Variants in FBXO15 observed in about 807,000 individuals in gnomAD.
FBXO15 encodes F-box protein 15.
FBXO15 carries 30 observed loss-of-function variants against 49.5 expected under a neutral mutation model. The observed-to-expected ratio is 0.61, with a 90% confidence interval of 0.45 to 0.82. The LOEUF is 0.82. Among genes scored for constraint, FBXO15 ranks in the 40% least tolerant of loss-of-function variants. FBXO15 has a pLI of 0.00. For synonymous variants in FBXO15, 250 were observed against 232.7 expected (o/e 1.07, Z -0.68); for missense variants, 591 against 631.5 (o/e 0.94, Z 0.69).
chr18:74,079,624 A>G (rs1912403176), intron 9 of FBXO15, among the ~76,000 whole-genome samples: 1 of 152,194 alleles, frequency 6.6e-6, no homozygotes, highest in Non-Finnish European at 1.5e-5. Flanking sequence ...AGAATAAAAA[A>G]CTGACCTACT....
intron 8 of FBXO15, among the ~76,000 whole-genome samples, chr18:74,103,338 A>C (rs757234685): frequency 1.3e-5 from 2 of 151,902 alleles, no homozygotes; most frequent in East Asian, 3.9e-4. Context: ...AAAAAGAAAA[A>C]AGAATGAAAA....
At chr18:74,090,591 T>C (rs572216191) in intron 8 of FBXO15, among the ~76,000 whole-genome samples, 21 of 152,322 alleles carry the variant, frequency 1.4e-4, no homozygotes, top group Admixed American at 1.2e-3. Flanking sequence ...CGCAGAGATT[T>C]TGATATATTG....
intron 8 of FBXO15, among the ~76,000 whole-genome samples, chr18:74,119,867 G>A (rs1486667075): frequency 7.2e-5 from 11 of 152,112 alleles, no homozygotes; most frequent in Admixed American, 7.2e-4. Flanking sequence ...GGGAAGGAGA[G>A]CTCTGAGGAG....
intron 8 of FBXO15, among the ~76,000 whole-genome samples, chr18:74,095,903 T>C (rs1913250459): frequency 6.6e-6 from 1 of 152,102 alleles, no homozygotes; most frequent in Non-Finnish European, 1.5e-5. Flanking sequence ...ACCAGAAATA[T>C]TCCAGAACTC....
At chr18:74,123,585 T>TA in intron 7 of FBXO15, 75 bp from the exon 8 acceptor site, 2 of 1,492,510 alleles carry the variant, frequency 1.3e-6, no homozygotes, top group Admixed American at 4.6e-5. Context: ...AAATACTTTT[T>TA]AAAAAATTAC....
intron 7 of FBXO15, among the ~76,000 whole-genome samples, chr18:74,123,847 G>A (rs1220180531): frequency 1.3e-5 from 2 of 152,150 alleles, no homozygotes; most frequent in African/African-American, 4.8e-5. Context: ...GGACAAAAGT[G>A]CTCAGCAGGA....
At chr18:74,080,864 A>T (rs1912463270) in intron 9 of FBXO15, among the ~76,000 whole-genome samples, 1 of 152,234 alleles carries the variant, frequency 6.6e-6, no homozygotes, top group South Asian at 2.1e-4. Flanking sequence ...AATTATTTTT[A>T]AAAATTATGC....
intron 8 of FBXO15, among the ~76,000 whole-genome samples, chr18:74,088,251 G>C (rs1912837019): frequency 6.6e-6 from 1 of 152,014 alleles, no homozygotes; most frequent in African/African-American, 2.4e-5. Context: ...AATTATTTTT[G>C]GTGTCTTCAT....
In FBXO15 at chr18:74,140,296, T is replaced by A. The variant is rs1338790398; in HGVS notation, c.133A>T (p.Lys45Ter). 3 of 1,551,184 alleles carry A rather than the reference T, an allele frequency of 1.9e-6. No individual in the cohort carries two copies. Among genetic ancestry groups the A allele is most frequent in the Non-Finnish European group, 2.6e-6 (3 of 1,146,834 alleles). ...AFGCRKGPGV[K>*]LSAGSAALRC... ...AGGGCAGCAGAGCCTGCAGAAAGCT[T>A]GACCCCTGGCCCCTTTCTGAAAGTA... is the stretch of plus-strand genomic sequence containing the variant. The change falls in exon 2 of 10, where the codon AAG becomes TAG. Residue 45 changes from lysine to a stop codon, truncating the protein, a stop_gained. Coordinates refer to ENST00000419743, the MANE Select transcript of FBXO15 (RefSeq NM_001142958.2). LOFTEE classifies it high-confidence loss of function.
intron 5 of FBXO15, among the ~76,000 whole-genome samples, chr18:74,129,064 T>A (rs1978307479): frequency 6.6e-6 from 1 of 152,294 alleles, no homozygotes; most frequent in East Asian, 1.9e-4. Flanking sequence ...ATGATTAGTA[T>A]ACCATTTACT....
At chr18:74,135,031 T>C (rs1228682853) in intron 3 of FBXO15, among the ~76,000 whole-genome samples, 3 of 152,140 alleles carry the variant, frequency 2.0e-5, no homozygotes, top group Non-Finnish European at 4.4e-5. Context: ...GATGTTCTGT[T>C]GTAAGCCACG....
At chr18:74,110,635 A>T (rs1238962671) in intron 8 of FBXO15, among the ~76,000 whole-genome samples, 1 of 152,110 alleles carries the variant, frequency 6.6e-6, no homozygotes, top group Non-Finnish European at 1.5e-5. Context: ...TGGTAGAAAA[A>T]AAAAACAAGA....
chr18:74,121,378 C>T (rs915560427), intron 8 of FBXO15, among the ~76,000 whole-genome samples: 4 of 152,124 alleles, frequency 2.6e-5, no homozygotes, highest in Admixed American at 6.5e-5. Flanking sequence ...GAATTAAATA[C>T]TTCATAAATA....
chr18:74,123,524 C>T lies in FBXO15; in HGVS notation c.996-14G>A. ...AGTTCATAGGGGCTGAAAAGCAAAA[C>T]AAAAGAAACATACAAATTTGTCAAC... On this transcript the variant is annotated splice_polypyrimidine_tract_variant and intron_variant, in intron 7 of 9. Transcript: ENST00000419743. 1 of 1,580,190 alleles carries T rather than the reference C, an allele frequency of 6.3e-7. No homozygotes were observed. The highest frequency in any genetic ancestry group is 8.5e-7 in the Non-Finnish European group (1 of 1,170,368).
intron 6 of FBXO15, among the ~76,000 whole-genome samples, chr18:74,125,747 C>G (rs1486454593): frequency 6.6e-6 from 1 of 151,972 alleles, no homozygotes; most frequent in Non-Finnish European, 1.5e-5. Context: ...AGCAGAACAG[C>G]AGAACAACAG....
intron 1 of FBXO15, among the ~76,000 whole-genome samples, chr18:74,141,824 G>A (rs967096128): frequency 3.9e-5 from 6 of 152,172 alleles, no homozygotes; most frequent in East Asian, 1.9e-4. Context: ...TATGCAGCAC[G>A]CACTCAAATC....
At chr18:74,079,946 C>T (rs933416610) in intron 9 of FBXO15, among the ~76,000 whole-genome samples, 1 of 152,204 alleles carries the variant, frequency 6.6e-6, no homozygotes, top group African/African-American at 2.4e-5. Context: ...CCACCAGCAT[C>T]GTATTTGGGT....
At chr18:74,131,980 C>T (rs1339931666) in intron 3 of FBXO15, among the ~76,000 whole-genome samples, 4 of 152,224 alleles carry the variant, frequency 2.6e-5, no homozygotes, top group African/African-American at 9.6e-5. Flanking sequence ...TTGACTCAGA[C>T]ATTACATGGA....
Position 74,126,101 on chromosome 18 carries a change from T to A in FBXO15, c.786A>T (p.Arg262Ser), listed in dbSNP as rs199553821. The change falls in exon 6 of 10, where the codon AGA becomes AGT. Residue 262 changes from arginine to serine, a missense_variant and splice_region_variant. By Grantham distance (110) the Arg-to-Ser change is moderately radical. Coordinates refer to ENST00000419743, the MANE Select transcript of FBXO15 (RefSeq NM_001142958.2). ...TTGCAATTAAAGAATGCCATCGGAG[T>A]CTTTGAACGTTATGCCAAGGAAAGG... ...TDWYKTPTKH[R>S]LRWHSLIAKY... The A allele has an allele frequency of 5.0e-6, 8 of 1,613,208 alleles. No individual in the cohort carries two copies. Among genetic ancestry groups the A allele is most frequent in the East Asian group, 2.2e-5 (1 of 44,840 alleles).
Sources: allele counts gnomAD v4.1 joint callset (sites outside exome capture counted in the v4.1 genomes callset), GRCh38; gene constraint gnomAD v4.1.1; transcripts MANE v1.5; gene names NCBI Gene and HGNC (gene_info 2026-07-23, HGNC 2026-07-21).